The following OPCML variants were observed in gnomAD, a reference collection of about 807,000 sequenced individuals.
The protein encoded by OPCML is opioid binding protein/cell adhesion molecule like.
A neutral mutation model predicts 37.8 loss-of-function variants in OPCML; 13 were observed. The ratio of observed to expected loss-of-function variants is 0.34; its 90% CI spans 0.22 to 0.55. The LOEUF (loss-of-function observed/expected upper bound fraction) is 0.55, where lower values mean the gene tolerates loss of function less well. OPCML is among the 20% of genes least tolerant of loss of function. OPCML has a pLI of 0.91. For missense variants in OPCML, 341 were observed against 435.6 expected, an observed-to-expected ratio of 0.78 and a Z score of 1.93; for synonymous variants, 176 against 168.8, an observed-to-expected ratio of 1.04 and a Z score of -0.33.
At chr11:133,021,243 G>A (rs1947444370) in intron 1 of OPCML, among the ~76,000 whole-genome samples, 1 of 152,140 alleles carries the variant, frequency 6.6e-6, no homozygotes, top group Non-Finnish European at 1.5e-5. Flanking sequence ...ACTTCTGATG[G>A]TGAAATGTTT....
chr11:132,423,474 G>A lies in OPCML; in HGVS notation c.917-3181C>T, dbSNP rs942794131. On this transcript the variant is annotated intron_variant, in intron 7 of 7. Transcript: ENST00000524381. Reference sequence around the variant, plus strand: ...ATGCCAATGCGGTGAGGGCTCTGCCGGAGGGCTCTCCAGCTGTGTTTGGAG... The same window carrying A: ...ATGCCAATGCGGTGAGGGCTCTGCCAGAGGGCTCTCCAGCTGTGTTTGGAG... Among the ~76,000 whole-genome samples, 12 of 152,206 alleles carry A rather than the reference G, an allele frequency of 7.9e-5. 1 individual carries two copies. The highest frequency in any genetic ancestry group is 4.1e-4 in the South Asian group (2 of 4,834).
At chr11:133,467,850 G>C (rs942319002) in intron 1 of OPCML, among the ~76,000 whole-genome samples, 2 of 152,198 alleles carry the variant, frequency 1.3e-5, no homozygotes, top group Non-Finnish European at 2.9e-5. Context: ...TCATTCTGCT[G>C]TTGGGACCTT....
At chr11:132,930,347 G>A (rs1190797530) in intron 2 of OPCML, among the ~76,000 whole-genome samples, 2 of 152,052 alleles carry the variant, frequency 1.3e-5, no homozygotes, top group Non-Finnish European at 2.9e-5. Context: ...CTGTGTGACA[G>A]GGTGAGACAG....
At chr11:132,680,850 A>T (rs1262494972) in intron 2 of OPCML, among the ~76,000 whole-genome samples, 1 of 152,188 alleles carries the variant, frequency 6.6e-6, no homozygotes. Flanking sequence ...CATGTGAAGA[A>T]TTCAGCAGCA....
intron 3 of OPCML, among the ~76,000 whole-genome samples, chr11:132,578,659 G>A (rs764629092): frequency 8.5e-5 from 13 of 152,168 alleles, no homozygotes; most frequent in African/African-American, 3.1e-4. Flanking sequence ...CAGTAGCTCT[G>A]CCTGTCTTTG....
At chr11:132,588,046 G>T (rs570608853) in intron 3 of OPCML, among the ~76,000 whole-genome samples, 1 of 152,190 alleles carries the variant, frequency 6.6e-6, no homozygotes, top group East Asian at 1.9e-4. Flanking sequence ...CATTATAGTT[G>T]CCACCAGGCC....
intron 4 of OPCML, among the ~76,000 whole-genome samples, chr11:132,461,370 C>T (rs558039002): frequency 2.0e-4 from 30 of 152,080 alleles, no homozygotes; most frequent in Non-Finnish European, 3.7e-4. Flanking sequence ...TATGAAATTG[C>T]AAAAGGACTG....
At chr11:133,314,675 T>C (rs1353246766) in intron 1 of OPCML, among the ~76,000 whole-genome samples, 1 of 152,178 alleles carries the variant, frequency 6.6e-6, no homozygotes, top group Non-Finnish European at 1.5e-5. Context: ...GGCCCTGATG[T>C]TGACTTTATC....
intron 2 of OPCML, among the ~76,000 whole-genome samples, chr11:132,715,482 G>A (rs994979860): frequency 5.3e-5 from 8 of 152,146 alleles, no homozygotes; most frequent in Admixed American, 2.0e-4. Context: ...TCCTTGTCAT[G>A]GACTGAATAT....
chr11:133,035,037 T>A (rs551886022), intron 1 of OPCML, among the ~76,000 whole-genome samples: 1 of 152,308 alleles, frequency 6.6e-6, no homozygotes, highest in East Asian at 1.9e-4. Flanking sequence ...CAACACCAGA[T>A]GGATAATGCC....
At chr11:133,281,147 C>T (rs1366950546) in intron 1 of OPCML, among the ~76,000 whole-genome samples, 1 of 152,136 alleles carries the variant, frequency 6.6e-6, no homozygotes, top group African/African-American at 2.4e-5. Context: ...GGGGGAAGCC[C>T]TGCTTAAAGA....
chr11:133,158,150 G>A (rs966954952), intron 1 of OPCML, among the ~76,000 whole-genome samples: 11 of 152,312 alleles, frequency 7.2e-5, no homozygotes, highest in South Asian at 4.1e-4. Context: ...GGGCTTTACC[G>A]ACAGGGGCTG....
intron 1 of OPCML, among the ~76,000 whole-genome samples, chr11:133,013,781 G>T (rs1266752037): frequency 6.6e-6 from 1 of 152,142 alleles, no homozygotes; most frequent in Non-Finnish European, 1.5e-5. Context: ...GTGATGAACT[G>T]GTCTAGGGCC....
chr11:133,198,563 CGTT>C (rs1938629809), intron 1 of OPCML, among the ~76,000 whole-genome samples: 1 of 152,156 alleles, frequency 6.6e-6, no homozygotes, highest in Non-Finnish European at 1.5e-5. Flanking sequence ...TGAAGAAAGG[CGTT>C]GTCAGGGGAG....
chr11:133,426,116 C>T (rs1945997038), intron 1 of OPCML, among the ~76,000 whole-genome samples: 1 of 152,160 alleles, frequency 6.6e-6, no homozygotes, highest in African/African-American at 2.4e-5. Flanking sequence ...CTCCCTAATG[C>T]ATCTGTGTCT....
intron 1 of OPCML, among the ~76,000 whole-genome samples, chr11:133,508,028 G>T (rs1267359822): frequency 6.6e-6 from 1 of 151,936 alleles, no homozygotes; most frequent in Non-Finnish European, 1.5e-5. Context: ...TAGATATTAG[G>T]ATTACCAGGG....
At chr11:133,138,709 G>A (rs957723662) in intron 1 of OPCML, among the ~76,000 whole-genome samples, 1 of 152,114 alleles carries the variant, frequency 6.6e-6, no homozygotes, top group African/African-American at 2.4e-5. Context: ...CCCCACTCCT[G>A]GTAGATGCTG....
intron 1 of OPCML, among the ~76,000 whole-genome samples, chr11:133,527,590 T>C (rs1948515284): frequency 6.6e-6 from 1 of 152,222 alleles, no homozygotes. Flanking sequence ...TCCTCTCCCC[T>C]TCTCCAACAT....
chr11:132,933,988 A>G (rs1396923043), intron 2 of OPCML, among the ~76,000 whole-genome samples: 1 of 152,132 alleles, frequency 6.6e-6, no homozygotes, highest in African/African-American at 2.4e-5. Context: ...GGTTCCAAAC[A>G]ATGACCAGGA....
Sources: gnomAD v4.1 joint callset for allele counts (sites outside exome capture counted in the v4.1 genomes callset) on GRCh38, gnomAD v4.1.1 for gene constraint, MANE v1.5 for transcripts, NCBI Gene and HGNC (gene_info 2026-07-23, HGNC 2026-07-21) for gene names.